CCDC141: variants seen among roughly 807,000 people sequenced by gnomAD.
CCDC141 encodes the protein coiled-coil domain containing 141.
A neutral mutation model predicts 181.0 loss-of-function variants in CCDC141; 168 were observed. The ratio of observed to expected loss-of-function variants is 0.93; its 90% CI spans 0.82 to 1.05. The LOEUF is 1.05. Ranked by LOEUF, CCDC141 falls within the 50% of genes least tolerant of loss-of-function variation. The pLI is 0.00. For missense variants in CCDC141, 1,902 were observed against 1,788.5 expected, an observed-to-expected ratio of 1.06 and a Z score of -1.14; for synonymous variants, 666 against 642.3, an observed-to-expected ratio of 1.04 and a Z score of -0.56.
At chr2:178,839,412 CAAAA>C (rs35187942) in intron 22 of CCDC141, among the ~76,000 whole-genome samples, 2 of 129,704 alleles carry the variant, frequency 1.5e-5, no homozygotes, top group Non-Finnish European at 3.3e-5. Context: ...GACTCTGTCT[CAAAA>C]AAAAAAAAAA....
At chr2:178,838,683 T>G (rs906931969) in intron 22 of CCDC141, among the ~76,000 whole-genome samples, 2 of 152,180 alleles carry the variant, frequency 1.3e-5, no homozygotes, top group African/African-American at 4.8e-5. Context: ...AGCCAGATAT[T>G]AATGGAACAA....
chr2:178,928,389 T>C (rs1046467640), intron 6 of CCDC141, among the ~76,000 whole-genome samples: 8 of 152,236 alleles, frequency 5.3e-5, no homozygotes, highest in African/African-American at 1.9e-4. Flanking sequence ...TTGTAGGCGG[T>C]TCACAGATTG....
At chr2:178,901,830 G>A (rs945783859) in intron 8 of CCDC141, among the ~76,000 whole-genome samples, 5 of 152,160 alleles carry the variant, frequency 3.3e-5, no homozygotes, top group Admixed American at 3.3e-4. Flanking sequence ...CCTGTTTGCA[G>A]ACGACATGAT....
chr2:178,985,196 G>C (rs368452481), intron 2 of CCDC141, among the ~76,000 whole-genome samples: 34,030 of 149,862 alleles, frequency 0.23, 5,200 homozygotes, highest in Non-Finnish European at 0.34. Flanking sequence ...GGAAACTGAA[G>C]AACCTGCTCC....
chr2:178,931,659 G>A (rs776375694), intron 6 of CCDC141, among the ~76,000 whole-genome samples: 7 of 152,136 alleles, frequency 4.6e-5, no homozygotes, highest in Non-Finnish European at 1.0e-4. Context: ...AGGGGCCGAG[G>A]GGAGAGAGGA....
intron 23 of CCDC141, among the ~76,000 whole-genome samples, chr2:178,835,048 G>C (rs749073530): frequency 7.9e-5 from 12 of 152,040 alleles, no homozygotes; most frequent in Non-Finnish European, 1.8e-4. Flanking sequence ...GGTCACACTA[G>C]GCCACCATTT....
At chr2:178,868,249 G>C in intron 15 of CCDC141, 44 bp from the exon 16 acceptor site, 1 of 1,541,030 alleles carries the variant, frequency 6.5e-7, no homozygotes. Context: ...TTTATATGAA[G>C]ACAAATTTTT....
At chr2:178,871,581 G>A (rs774021318) in intron 13 of CCDC141, 29 bp from the exon 14 acceptor site, 39 of 1,604,310 alleles carry the variant, frequency 2.4e-5, no homozygotes, top group Admixed American at 3.4e-5. Flanking sequence ...AGTTACACAT[G>A]CATTTTCTTT....
intron 2 of CCDC141, among the ~76,000 whole-genome samples, chr2:178,994,136 C>G (rs1008990958): frequency 6.6e-6 from 1 of 152,194 alleles, no homozygotes; most frequent in African/African-American, 2.4e-5. Context: ...TCTCACAGCT[C>G]CACTAGGCAA....
At chr2:178,972,111 AAGATAT>A (rs1372076780) in intron 4 of CCDC141, among the ~76,000 whole-genome samples, 1 of 152,072 alleles carries the variant, frequency 6.6e-6, no homozygotes, top group Non-Finnish European at 1.5e-5. Flanking sequence ...AATTTAAAAA[AAGATAT>A]ATACAACATC....
intron 5 of CCDC141, among the ~76,000 whole-genome samples, chr2:178,952,847 T>A (rs1196303405): frequency 1.3e-5 from 2 of 152,088 alleles, no homozygotes; most frequent in African/African-American, 2.4e-5. Flanking sequence ...AGCCAATGTA[T>A]GAAAGCTGCC....
intron 17 of CCDC141, among the ~76,000 whole-genome samples, chr2:178,863,407 T>C (rs1340325636): frequency 6.6e-6 from 1 of 152,212 alleles, no homozygotes; most frequent in Non-Finnish European, 1.5e-5. Flanking sequence ...GTTATCTAAT[T>C]TTAATTGTTT....
intron 8 of CCDC141, among the ~76,000 whole-genome samples, chr2:178,904,390 TGTTCCCCAAACCCAAA>T (rs1231377854): frequency 6.6e-6 from 1 of 152,180 alleles, no homozygotes; most frequent in African/African-American, 2.4e-5. Context: ...CTGGAAAGAA[TGTTCCCCAAACCCAAA>T]GTTACCAAAT....
chr2:178,953,596 C>T (rs1212610500), intron 5 of CCDC141, among the ~76,000 whole-genome samples: 2 of 152,164 alleles, frequency 1.3e-5, no homozygotes, highest in African/African-American at 2.4e-5. Flanking sequence ...GGGACCAGGA[C>T]TTTTTGTTGA....
At chr2:179,026,922 T>C (rs943268546) in intron 2 of CCDC141, among the ~76,000 whole-genome samples, 3 of 152,248 alleles carry the variant, frequency 2.0e-5, no homozygotes, top group Non-Finnish European at 4.4e-5. Context: ...ATAGCCCCTT[T>C]GTTTTGGCCA....
At chr2:179,037,236 G>A (rs1179099005) in intron 2 of CCDC141, among the ~76,000 whole-genome samples, 1 of 152,212 alleles carries the variant, frequency 6.6e-6, no homozygotes, top group Non-Finnish European at 1.5e-5. Flanking sequence ...CCCTACTTGT[G>A]TAGGAAAGAG....
Position 178,962,627 on chromosome 2 carries a change from C to T in CCDC141, c.527-1144G>A, listed in dbSNP as rs1424856410. On this transcript the variant is annotated intron_variant, in intron 4 of 23. Transcript: ENST00000443758. ...TTCTTTTCTTTCTTTTCCTTCTTTC[C>T]TTCTTTCTTTCCTTTCCTTCTTTCT... 4.2e-4 allele frequency among the ~76,000 whole-genome samples: 50 copies of T among 120,412 alleles called. 1 individual carries two copies. The South Asian group carries it at 0.013, about 31-fold the overall frequency. The allele number at this position is 120,412 out of a possible 152,430, so 79.0% of individuals were successfully genotyped here.
intron 2 of CCDC141, among the ~76,000 whole-genome samples, chr2:179,045,522 T>C (rs2043467150): frequency 6.6e-6 from 1 of 152,150 alleles, no homozygotes; most frequent in Non-Finnish European, 1.5e-5. Context: ...TTTGGGTATG[T>C]ACCCAGTAAT....
intron 4 of CCDC141, among the ~76,000 whole-genome samples, chr2:178,971,530 A>G (rs1043971631): frequency 1.3e-5 from 2 of 152,238 alleles, no homozygotes; most frequent in African/African-American, 4.8e-5. Flanking sequence ...TCAAGGATCT[A>G]GAACTAGAAA....
Sources: allele counts gnomAD v4.1 joint callset (sites outside exome capture counted in the v4.1 genomes callset), GRCh38; gene constraint gnomAD v4.1.1; transcripts MANE v1.5; gene names NCBI Gene and HGNC (gene_info 2026-07-23, HGNC 2026-07-21).